FAM171A1: variants seen among roughly 807,000 people sequenced by gnomAD.
FAM171A1 encodes family with sequence similarity 171 member A1.
FAM171A1 carries 23 observed loss-of-function variants against 74.9 expected under a neutral mutation model. The ratio of observed to expected loss-of-function variants is 0.31; its 90% CI spans 0.22 to 0.44. The LOEUF is 0.44. FAM171A1 is among the 20% of genes least tolerant of loss of function. FAM171A1 has a pLI of 1.00. For missense variants in FAM171A1, 1,162 were observed against 1,159.2 expected (o/e 1.00, Z -0.03); for synonymous variants, 527 against 505.7 (o/e 1.04, Z -0.57).
chr10:15,270,878 G>A (rs538600528), intron 3 of FAM171A1, among the ~76,000 whole-genome samples: 8 of 152,244 alleles, frequency 5.3e-5, no homozygotes, highest in Admixed American at 1.3e-4. Context: ...CCATCTGTAC[G>A]TCACCATCAT....
intron 1 of FAM171A1, among the ~76,000 whole-genome samples, chr10:15,357,050 G>A (rs916267400): frequency 2.0e-5 from 3 of 152,080 alleles, no homozygotes; most frequent in African/African-American, 4.8e-5. Context: ...AAGCTGAGGC[G>A]GGTGGATCAC....
intron 1 of FAM171A1, among the ~76,000 whole-genome samples, chr10:15,301,362 A>ATATATATTTT (rs575709720): frequency 7.1e-6 from 1 of 141,564 alleles, no homozygotes; most frequent in East Asian, 2.1e-4. Flanking sequence ...ATATATATAT[A>ATATATATTTT]TTTTTTTTTT....
chr10:15,213,725 G>A lies in FAM171A1; in HGVS notation c.1863C>T (p.Pro621=). 1 of 1,612,566 alleles carries A rather than the reference G, an allele frequency of 6.2e-7. No homozygotes were observed. The highest frequency in any genetic ancestry group is 8.5e-7 in the Non-Finnish European group (1 of 1,178,886). ...ACGGGTGTGGGAAGATCCCGGCATG[G>A]GGATTGGACAGCTCAGCCTGTAGTC... is the stretch of plus-strand genomic sequence containing the variant. ...IERLQAELSN[P]HAGIFPHPSS... The change falls in exon 8 of 8, where the codon CCC becomes CCT. Residue 621 remains proline, a synonymous_variant. Transcript: ENST00000378116. This position sits in a 1 kb window ranked among gnomAD's most constrained non-coding sequence, Gnocchi z 6.8.
At chr10:15,226,780 T>C (rs545907141) in intron 5 of FAM171A1, among the ~76,000 whole-genome samples, 3 of 152,242 alleles carry the variant, frequency 2.0e-5, no homozygotes, top group African/African-American at 7.2e-5. Context: ...TTGCGCTGAA[T>C]ACTCCCCCCT....
chr10:15,217,155 A>G (rs1053074658), intron 6 of FAM171A1, among the ~76,000 whole-genome samples: 11 of 152,224 alleles, frequency 7.2e-5, no homozygotes, highest in African/African-American at 2.7e-4. Flanking sequence ...AAAAATCCCA[A>G]GAGGTAGCTT....
chr10:15,249,728 A>C (rs561857745), intron 4 of FAM171A1, among the ~76,000 whole-genome samples: 1 of 152,356 alleles, frequency 6.6e-6, no homozygotes, highest in East Asian at 1.9e-4. Flanking sequence ...GATCTGTTTA[A>C]AAGGACCTCA....
chr10:15,233,077 G>C (rs555318126), intron 5 of FAM171A1, among the ~76,000 whole-genome samples: 1 of 152,150 alleles, frequency 6.6e-6, no homozygotes. Context: ...GGCAGATCAC[G>C]AGGTCAGGAG....
intron 3 of FAM171A1, among the ~76,000 whole-genome samples, chr10:15,257,809 A>G (rs1444387093): frequency 6.6e-6 from 1 of 152,204 alleles, no homozygotes; most frequent in Non-Finnish European, 1.5e-5. Flanking sequence ...TCTGAGCCAC[A>G]GCACAAATAA....
chr10:15,364,097 G>A (rs777295735), intron 1 of FAM171A1, among the ~76,000 whole-genome samples: 1 of 152,090 alleles, frequency 6.6e-6, no homozygotes, highest in African/African-American at 2.4e-5. Flanking sequence ...AGGCAGAAGG[G>A]ACTATGGCGA....
chr10:15,257,907 C>T (rs1457516249), intron 3 of FAM171A1, among the ~76,000 whole-genome samples: 4 of 152,096 alleles, frequency 2.6e-5, no homozygotes, highest in African/African-American at 9.7e-5. Flanking sequence ...TAGTTCCACA[C>T]TACAGAAAGG....
intron 5 of FAM171A1, among the ~76,000 whole-genome samples, chr10:15,224,912 C>T (rs1379170889): frequency 1.3e-5 from 2 of 152,172 alleles, no homozygotes; most frequent in Non-Finnish European, 2.9e-5. Context: ...TGTGACTTTG[C>T]CTGCAAATGT....
intron 1 of FAM171A1, among the ~76,000 whole-genome samples, chr10:15,333,655 C>T (rs10906887): frequency 0.31 from 46,999 of 151,862 alleles, 9,151 homozygotes; most frequent in East Asian, 0.67. Context: ...TAATGAGACC[C>T]CCAACTTTAC....
At position 15,214,051 on chromosome 10, in the gene FAM171A1, G is replaced by C; in HGVS notation, c.1537C>G (p.Leu513Val). The part of the protein sequence containing the change: ...REGPASTGSK[L>V]TIQEHLYPAP... ...GGGTACAGATGTTCCTGAATGGTGA[G>C]TTTGCTTCCCGTGGAGGCTGGACCT... Residue 513 changes from leucine to valine, a missense_variant, in exon 8 of 8, where the codon CTC (leucine) becomes GTC (valine). Physicochemically the swap from Leu to Val is conservative, Grantham distance 32. Transcript: ENST00000378116. 1.2e-6 allele frequency: 2 copies of C among 1,614,194 alleles called. No homozygotes were observed. The highest frequency in any genetic ancestry group is 1.7e-6 in the Non-Finnish European group (2 of 1,180,034).
chr10:15,303,569 C>T (rs979352145), intron 1 of FAM171A1, among the ~76,000 whole-genome samples: 1 of 152,230 alleles, frequency 6.6e-6, no homozygotes, highest in Admixed American at 6.5e-5. Flanking sequence ...AGAGTTCCAG[C>T]CACCCCTTCA....
intron 1 of FAM171A1, among the ~76,000 whole-genome samples, chr10:15,311,341 G>C (rs1835357240): frequency 6.6e-6 from 1 of 152,154 alleles, no homozygotes; most frequent in East Asian, 1.9e-4. Flanking sequence ...ATGACTTAGA[G>C]GGGGAGGAAG....
At chr10:15,247,397 A>G (rs574261515) in intron 5 of FAM171A1, among the ~76,000 whole-genome samples, 22 of 152,082 alleles carry the variant, frequency 1.4e-4, no homozygotes, top group Non-Finnish European at 2.8e-4. Context: ...TCAGCCTCCC[A>G]AAGTGTTGGG....
chr10:15,333,218 G>A (rs1835661627), intron 1 of FAM171A1, among the ~76,000 whole-genome samples: 1 of 152,252 alleles, frequency 6.6e-6, no homozygotes, highest in African/African-American at 2.4e-5. Flanking sequence ...TCTGGGCTGG[G>A]TGCTGTGGCT....
chr10:15,351,909 C>T (rs996292135), intron 1 of FAM171A1, among the ~76,000 whole-genome samples: 2 of 151,944 alleles, frequency 1.3e-5, no homozygotes, highest in African/African-American at 4.8e-5. Flanking sequence ...AAAAATTGGC[C>T]AGGTGCGGTG....
chr10:15,260,841 C>G (rs1045253107), intron 3 of FAM171A1, among the ~76,000 whole-genome samples: 2 of 152,112 alleles, frequency 1.3e-5, no homozygotes, highest in Non-Finnish European at 2.9e-5. Flanking sequence ...TGTAGCAGCC[C>G]CCAAAATTTC....
Sources: gnomAD v4.1 joint callset for allele counts (sites outside exome capture counted in the v4.1 genomes callset) on GRCh38, gnomAD v4.1.1 for gene constraint, Gnocchi (gnomAD v3.1) non-coding constraint, MANE v1.5 for transcripts, NCBI Gene and HGNC (gene_info 2026-07-23, HGNC 2026-07-21) for gene names.